APP: variants seen among roughly 807,000 people sequenced by gnomAD.
APP encodes amyloid beta precursor protein.
In APP, 31 loss-of-function variants were observed where a neutral mutation model predicts 101.4. The observed-to-expected ratio is 0.31, with a 90% confidence interval of 0.23 to 0.41. The LOEUF is 0.41. Among genes scored for constraint, APP ranks in the 10% least tolerant of loss-of-function variants. The pLI is 1.00. For missense variants in APP, 839 were observed against 1,003.7 expected (o/e 0.84, Z 2.22); for synonymous variants, 366 against 364.4 (o/e 1.00, Z -0.05).
upstream of APP, chr21:26,170,821 G>A (rs1259268183): frequency 5.7e-6 from 3 of 528,454 alleles, no homozygotes; most frequent in South Asian, 5.9e-5. Context: ...CAGCTGATCC[G>A]GCCCACCCCG....
intron 3 of APP, chr21:26,053,610 G>A (rs1388678538): frequency 5.7e-6 from 2 of 348,426 alleles, no homozygotes; most frequent in African/African-American, 4.2e-5. Context: ...TGAATTTCTT[G>A]CTTCAAAATT....
intron 1 of APP, among the ~76,000 whole-genome samples, chr21:26,163,249 A>G (rs994370922): frequency 6.8e-6 from 1 of 146,348 alleles, no homozygotes; most frequent in Non-Finnish European, 1.5e-5. Flanking sequence ...CAAAAAAAAA[A>G]AAAAAAAAAA....
intron 1 of APP, among the ~76,000 whole-genome samples, chr21:26,148,345 G>C (rs1272347984): frequency 6.6e-6 from 1 of 152,204 alleles, no homozygotes; most frequent in Non-Finnish European, 1.5e-5. Flanking sequence ...GGAGGGGCAG[G>C]ACTAGGGCAG....
At chr21:26,008,560 T>G (rs1354592277) in intron 6 of APP, among the ~76,000 whole-genome samples, 1 of 152,228 alleles carries the variant, frequency 6.6e-6, no homozygotes, top group Non-Finnish European at 1.5e-5. Flanking sequence ...GTATGCCAAC[T>G]GCCATGGTAT....
At chr21:25,980,228 C>T (rs111730042) in intron 9 of APP, among the ~76,000 whole-genome samples, 5 of 152,122 alleles carry the variant, frequency 3.3e-5, no homozygotes, top group South Asian at 2.1e-4. Flanking sequence ...CAGTGGTAGG[C>T]GCTGAAAATG....
chr21:26,015,922 T>G (rs1489492982), intron 6 of APP, among the ~76,000 whole-genome samples: 1 of 170 alleles, frequency 5.9e-3, no homozygotes, highest in Admixed American at 0.083. Flanking sequence ...ACAAATGGGA[T>G]GGGCTGTGCC....
intron 13 of APP, among the ~76,000 whole-genome samples, chr21:25,944,105 T>G (rs373837171): frequency 6.6e-6 from 1 of 152,254 alleles, no homozygotes; most frequent in South Asian, 2.1e-4. Flanking sequence ...CAAGCACTGT[T>G]TCAAAGAAAT....
intron 1 of APP, among the ~76,000 whole-genome samples, chr21:26,151,982 A>G (rs2063280359): frequency 6.6e-6 from 1 of 152,198 alleles, no homozygotes; most frequent in Admixed American, 6.5e-5. Context: ...GCCAAATAAA[A>G]AAGCACATGT....
intron 8 of APP, among the ~76,000 whole-genome samples, chr21:25,991,408 G>A (rs2042857873): frequency 2.0e-5 from 3 of 152,048 alleles, no homozygotes; most frequent in African/African-American, 7.2e-5. Flanking sequence ...ATGAAGTCTC[G>A]CTCTTGTCCC....
intron 3 of APP, among the ~76,000 whole-genome samples, chr21:26,085,427 C>T (rs546068968): frequency 6.6e-6 from 1 of 152,290 alleles, no homozygotes; most frequent in South Asian, 2.1e-4. Flanking sequence ...ACACATGCAT[C>T]TCCCATGACT....
At chr21:26,047,252 C>A (rs910960305) in intron 5 of APP, among the ~76,000 whole-genome samples, 6 of 152,176 alleles carry the variant, frequency 3.9e-5, no homozygotes, top group Admixed American at 3.9e-4. Context: ...CAAAACAAGC[C>A]TCATTAACTA....
intron 8 of APP, among the ~76,000 whole-genome samples, chr21:25,994,004 C>T (rs1444098571): frequency 1.3e-5 from 2 of 152,184 alleles, no homozygotes; most frequent in South Asian, 4.1e-4. Context: ...AGATGGGACA[C>T]ACTTTGGCCA....
intron 1 of APP, among the ~76,000 whole-genome samples, chr21:26,122,482 C>T (rs2062595821): frequency 6.6e-6 from 1 of 152,192 alleles, no homozygotes; most frequent in Admixed American, 6.5e-5. Context: ...TGAGTACCCA[C>T]TAAGCTTGGA....
At position 25,955,618 on chromosome 21, in the gene APP, C is replaced by G. The variant is rs371150286; in HGVS notation, c.1587+9G>C. 5 of 1,613,892 alleles carry G rather than the reference C, an allele frequency of 3.1e-6. No homozygotes were observed. The African/African-American group carries it at 6.7e-5, about 22-fold the overall frequency. On this transcript the variant is annotated intron_variant, in intron 12 of 17. Transcript: ENST00000346798. Reference sequence around the variant, plus strand: ...AAAGCTGCAGAAGATGATTATACCCCACGCTTACCTGGGACCGGATCTGAG... The same window carrying G: ...AAAGCTGCAGAAGATGATTATACCCGACGCTTACCTGGGACCGGATCTGAG...
chr21:26,081,384 G>A (rs1449914227), intron 3 of APP, among the ~76,000 whole-genome samples: 1 of 149,270 alleles, frequency 6.7e-6, no homozygotes, highest in East Asian at 2.0e-4. Flanking sequence ...AGTCAAAGGG[G>A]GTTGTTCTCT....
intron 15 of APP, among the ~76,000 whole-genome samples, chr21:25,899,765 T>C (rs73897099): frequency 0.017 from 2,646 of 152,350 alleles, 83 homozygotes; most frequent in African/African-American, 0.061. Flanking sequence ...CTTGTTGTTT[T>C]AAGCTGCTAA....
intron 13 of APP, among the ~76,000 whole-genome samples, chr21:25,917,761 A>T (rs956996559): frequency 2.0e-5 from 3 of 152,158 alleles, no homozygotes; most frequent in African/African-American, 7.2e-5. Context: ...CTCTGATCTG[A>T]ATCTATCCAT....
At chr21:26,163,216 G>A (rs898651527) in intron 1 of APP, among the ~76,000 whole-genome samples, 1 of 126,026 alleles carries the variant, frequency 7.9e-6, no homozygotes, top group African/African-American at 3.3e-5. Flanking sequence ...CTCCAGCCTG[G>A]GTGACACAGT....
intron 5 of APP, among the ~76,000 whole-genome samples, chr21:26,026,218 A>G (rs2146799541): frequency 6.6e-6 from 1 of 152,322 alleles, no homozygotes; most frequent in Non-Finnish European, 1.5e-5. Flanking sequence ...CATTCATACC[A>G]CATTCGCAGA....
Sources: allele counts gnomAD v4.1 joint callset (sites outside exome capture counted in the v4.1 genomes callset), GRCh38; gene constraint gnomAD v4.1.1; transcripts MANE v1.5; gene names NCBI Gene and HGNC (gene_info 2026-07-23, HGNC 2026-07-21).